CNTNAP2: variants seen among roughly 807,000 people sequenced by gnomAD.
CNTNAP2 encodes contactin associated protein 2.
In CNTNAP2, 98 loss-of-function variants were observed where a neutral mutation model predicts 155.2. The observed-to-expected ratio is 0.63, with a 90% confidence interval of 0.54 to 0.75. The LOEUF (loss-of-function observed/expected upper bound fraction) is 0.75. CNTNAP2 is among the 30% of genes least tolerant of loss of function. The pLI, the probability that CNTNAP2 is intolerant of heterozygous loss-of-function variation, is 0.00. For missense variants in CNTNAP2, 1,727 were observed against 1,688.1 expected, an observed-to-expected ratio of 1.02 and a Z score of -0.40; for synonymous variants, 651 against 631.2, an observed-to-expected ratio of 1.03 and a Z score of -0.47.
intron 1 of CNTNAP2, among the ~76,000 whole-genome samples, chr7:146,335,497 C>G (rs193186846): frequency 1.1e-3 from 167 of 152,224 alleles, no homozygotes; most frequent in Non-Finnish European, 1.2e-3. Flanking sequence ...TAAGAAGGAG[C>G]CTCCCAACAT....
At chr7:147,802,142 CGCGGCCGG>C (rs1798006633) in intron 13 of CNTNAP2, among the ~76,000 whole-genome samples, 6 of 105,672 alleles carry the variant, frequency 5.7e-5, no homozygotes, top group Middle Eastern at 7.5e-3. Context: ...CAGACGGGGT[CGCGGCCGG>C]GCAGAGGCGC....
intron 17 of CNTNAP2, among the ~76,000 whole-genome samples, chr7:148,162,291 G>A (rs919971628): frequency 6.6e-6 from 1 of 152,144 alleles, no homozygotes; most frequent in African/African-American, 2.4e-5. Flanking sequence ...AATGTATTTA[G>A]ACAAGAGTTC....
chr7:146,272,801 C>T (rs1800103042), intron 1 of CNTNAP2, among the ~76,000 whole-genome samples: 1 of 152,012 alleles, frequency 6.6e-6, no homozygotes, highest in Non-Finnish European at 1.5e-5. Context: ...TAGGAAATTA[C>T]TTATGAAAGA....
rs2116731334 is a variant in CNTNAP2, at chr7:148,415,958, T to C, written c.*342T>C. The C allele has an allele frequency of 3.2e-6, 1 of 316,978 alleles. No homozygotes were observed. The highest frequency in any genetic ancestry group is 6.2e-5 in the East Asian group (1 of 16,060). 19.6% of individuals were successfully genotyped at this position (316,978 alleles called of 1,614,324 possible). On this transcript the variant is annotated 3_prime_UTR_variant, in exon 24 of 24. Coordinates refer to ENST00000361727, the MANE Select transcript of CNTNAP2 (RefSeq NM_014141.6). Reference sequence around the variant, plus strand: ...AAGACCCGTGGTAACAGGGCAAGTTTTCTACGTTTTTAAGAGCCCTTAGAA... The same window carrying C: ...AAGACCCGTGGTAACAGGGCAAGTTCTCTACGTTTTTAAGAGCCCTTAGAA...
intron 3 of CNTNAP2, among the ~76,000 whole-genome samples, chr7:147,010,354 C>T (rs909847281): frequency 3.3e-5 from 5 of 151,424 alleles, no homozygotes; most frequent in African/African-American, 1.2e-4. Flanking sequence ...TGGATTATGC[C>T]TTCTTGAAAA....
chr7:147,176,519 G>A (rs1159164631), intron 8 of CNTNAP2, among the ~76,000 whole-genome samples: 1 of 150,266 alleles, frequency 6.7e-6, no homozygotes, highest in Admixed American at 6.7e-5. Flanking sequence ...AATATGTGCT[G>A]CATATTATAT....
At chr7:148,174,618 G>A (rs2906287) in intron 18 of CNTNAP2, among the ~76,000 whole-genome samples, 8,816 of 152,198 alleles carry the variant, frequency 0.058, 637 homozygotes, top group African/African-American at 0.17. Context: ...ACACACAGCC[G>A]GACTACGTGT....
intron 1 of CNTNAP2, among the ~76,000 whole-genome samples, chr7:146,448,542 G>A (rs1446523126): frequency 6.6e-6 from 1 of 151,150 alleles, no homozygotes; most frequent in African/African-American, 2.4e-5. Flanking sequence ...AAGTTTTAGG[G>A]TACATGTGAA....
chr7:147,730,867 G>C (rs923689459), intron 13 of CNTNAP2, among the ~76,000 whole-genome samples: 1 of 152,096 alleles, frequency 6.6e-6, no homozygotes, highest in Admixed American at 6.6e-5. Flanking sequence ...GTGAAAACAT[G>C]AACGATAGAA....
chr7:147,029,672 T>A (rs941227545), intron 3 of CNTNAP2, among the ~76,000 whole-genome samples: 10 of 152,154 alleles, frequency 6.6e-5, no homozygotes, highest in African/African-American at 2.4e-4. Context: ...TACCTGGTAT[T>A]AATCATCCAA....
intron 15 of CNTNAP2, among the ~76,000 whole-genome samples, chr7:148,108,252 C>T (rs1804266141): frequency 6.6e-6 from 1 of 152,124 alleles, no homozygotes; most frequent in Admixed American, 6.6e-5. Flanking sequence ...TCAGGTCCCT[C>T]CTCCTTTCAT....
At chr7:146,599,711 A>C (rs1249735522) in intron 1 of CNTNAP2, among the ~76,000 whole-genome samples, 1 of 150,864 alleles carries the variant, frequency 6.6e-6, no homozygotes, top group Admixed American at 6.7e-5. Context: ...TTAGATAGCT[A>C]TAGAGACAGA....
intron 1 of CNTNAP2, among the ~76,000 whole-genome samples, chr7:146,452,094 A>T (rs1796492356): frequency 6.6e-6 from 1 of 151,502 alleles, no homozygotes; most frequent in Non-Finnish European, 1.5e-5. Flanking sequence ...TTTTTAGTAG[A>T]GACGGGGTTT....
intron 1 of CNTNAP2, among the ~76,000 whole-genome samples, chr7:146,249,243 G>A (rs968742956): frequency 7.2e-5 from 11 of 152,140 alleles, no homozygotes; most frequent in African/African-American, 2.4e-4. Flanking sequence ...TTCAGTAAAT[G>A]TAATTAGTAT....
chr7:147,175,575 G>T (rs1802322894), intron 8 of CNTNAP2, among the ~76,000 whole-genome samples: 2 of 152,098 alleles, frequency 1.3e-5, no homozygotes. Flanking sequence ...AAATAGTGTT[G>T]AAGAAGGAAG....
At chr7:147,412,061 A>T (rs1797112370) in intron 10 of CNTNAP2, among the ~76,000 whole-genome samples, 1 of 152,196 alleles carries the variant, frequency 6.6e-6, no homozygotes. Context: ...AAGAGTGAAG[A>T]TGATCCAGCC....
At chr7:147,350,866 A>T (rs920085667) in intron 9 of CNTNAP2, among the ~76,000 whole-genome samples, 7 of 151,916 alleles carry the variant, frequency 4.6e-5, no homozygotes, top group Non-Finnish European at 8.8e-5. Flanking sequence ...TAAATTTATA[A>T]ATTCAGGTTT....
chr7:148,390,692 C>CT (rs1446792258), intron 22 of CNTNAP2, among the ~76,000 whole-genome samples: 2 of 152,170 alleles, frequency 1.3e-5, no homozygotes, highest in Non-Finnish European at 2.9e-5. Flanking sequence ...TTTCTACTGT[C>CT]TGAGATCATA....
At chr7:147,366,776 TGCAC>T (rs138064737) in intron 9 of CNTNAP2, among the ~76,000 whole-genome samples, 27,218 of 107,336 alleles carry the variant, frequency 0.25, 2,918 homozygotes, top group Middle Eastern at 0.35. Flanking sequence ...ACGAATTTGT[TGCAC>T]GCACACACAC....
Sources: allele counts gnomAD v4.1 joint callset (sites outside exome capture counted in the v4.1 genomes callset), GRCh38; gene constraint gnomAD v4.1.1; transcripts MANE v1.5; gene names NCBI Gene and HGNC (gene_info 2026-07-23, HGNC 2026-07-21).